Variants in RARB observed in about 807,000 individuals in gnomAD.
RARB encodes HBV-activated protein.
Under a neutral mutation model 51.9 loss-of-function variants are expected in RARB, and 17 were observed. The ratio of observed to expected loss-of-function variants is 0.33; its 90% CI spans 0.22 to 0.49. The LOEUF (loss-of-function observed/expected upper bound fraction) is 0.49. Among genes scored for constraint, RARB ranks in the 20% least tolerant of loss-of-function variants. RARB has a pLI of 0.99. For synonymous variants in RARB, 215 were observed against 195.4 expected (o/e 1.10, Z -0.84); for missense variants, 369 against 550.8 (o/e 0.67, Z 3.30).
intron 5 of RARB, among the ~76,000 whole-genome samples, chr3:25,317,460 C>G (rs1181701245): frequency 6.6e-6 from 1 of 152,142 alleles, no homozygotes; most frequent in Non-Finnish European, 1.5e-5. Context: ...ACAGCAAAGA[C>G]TTCATATCCA....
intron 5 of RARB, among the ~76,000 whole-genome samples, chr3:25,195,963 G>T (rs1376366905): frequency 1.3e-5 from 2 of 151,892 alleles, no homozygotes; most frequent in Admixed American, 6.6e-5. Flanking sequence ...AACAAGACTG[G>T]GAGTTTTGTG....
At chr3:24,892,511 A>G (rs1010836683) in intron 2 of RARB, among the ~76,000 whole-genome samples, 1 of 152,164 alleles carries the variant, frequency 6.6e-6, no homozygotes, top group African/African-American at 2.4e-5. Flanking sequence ...AAATTTTGCA[A>G]CCTCAATCAA....
chr3:25,456,091 T>A (rs1037424574), intron 1 of RARB, among the ~76,000 whole-genome samples: 1 of 152,196 alleles, frequency 6.6e-6, no homozygotes, highest in Non-Finnish European at 1.5e-5. Flanking sequence ...CGGCAGAGTT[T>A]TCAAGCAAAA....
chr3:24,938,354 C>T (rs1469197849), intron 2 of RARB, among the ~76,000 whole-genome samples: 1 of 152,138 alleles, frequency 6.6e-6, no homozygotes, highest in African/African-American at 2.4e-5. Context: ...TGTTTCCTTT[C>T]AGACTCCTAG....
intron 2 of RARB, among the ~76,000 whole-genome samples, chr3:24,860,313 A>G (rs1377004169): frequency 6.6e-6 from 1 of 152,186 alleles, no homozygotes; most frequent in East Asian, 1.9e-4. Context: ...CCCAGCCAGT[A>G]ACCTCCCAAC....
chr3:25,092,665 T>C (rs897236720), intron 3 of RARB, among the ~76,000 whole-genome samples: 1 of 152,190 alleles, frequency 6.6e-6, no homozygotes, highest in African/African-American at 2.4e-5. Flanking sequence ...ATTTTTTTAA[T>C]TGTGCAGAAA....
intron 3 of RARB, among the ~76,000 whole-genome samples, chr3:25,563,474 A>G (rs1431835635): frequency 1.3e-5 from 2 of 152,176 alleles, no homozygotes; most frequent in Non-Finnish European, 2.9e-5. Flanking sequence ...GGAAAAAGAC[A>G]CAGTCCCCAC....
At chr3:25,394,400 T>C (rs1162754664) in intron 5 of RARB, among the ~76,000 whole-genome samples, 1 of 152,178 alleles carries the variant, frequency 6.6e-6, no homozygotes, top group African/African-American at 2.4e-5. Flanking sequence ...GTTCAGTAAA[T>C]ATCTGTTAAG....
Position 25,202,293 on chromosome 3 carries a change from T to G in RARB, c.178+27718T>G, listed in dbSNP as rs141332208. ...ATTGGTGGTGATATCCCCTTTACCA[T>G]TTTTCATTGCGTCTATTTGATTCTT... On this transcript the variant is annotated intron_variant, in intron 5 of 11. Coordinates refer to the RARB transcript ENST00000383772. 3.8e-3 allele frequency among the ~76,000 whole-genome samples: 572 copies of G among 152,316 alleles called. 2 individuals carry two copies. The highest frequency in any genetic ancestry group is 0.013 in the African/African-American group (556 of 41,572).
chr3:25,290,949 C>T (rs953704584), intron 5 of RARB, among the ~76,000 whole-genome samples: 2 of 152,158 alleles, frequency 1.3e-5, no homozygotes, highest in African/African-American at 4.8e-5. Context: ...CTCCTCACCT[C>T]TCTGACCCTG....
rs140117537 is a variant in RARB, at chr3:25,009,786, C to T, written c.-379-50339C>T. Among the ~76,000 whole-genome samples the T allele has an allele frequency of 7.8e-3, 1,182 of 152,092 alleles. 9 individuals carry two copies. The highest frequency in any genetic ancestry group is 0.027 in the African/African-American group (1,130 of 41,506). Reference sequence around the variant, plus strand: ...CTTAGAGGGGGATGGGAAATATGCTCATTTGCCTTATTCTGTCTGGAAAAG... The same window carrying T: ...CTTAGAGGGGGATGGGAAATATGCTTATTTGCCTTATTCTGTCTGGAAAAG... On this transcript the variant is annotated intron_variant, in intron 2 of 11. Coordinates refer to the RARB transcript ENST00000383772.
chr3:24,977,605 T>A (rs991260884), intron 2 of RARB, among the ~76,000 whole-genome samples: 8 of 152,358 alleles, frequency 5.3e-5, no homozygotes, highest in South Asian at 4.1e-4. Flanking sequence ...TTTTGCACAT[T>A]GATTTTTGTA....
chr3:25,092,335 C>A (rs1383036307), intron 3 of RARB, among the ~76,000 whole-genome samples: 1 of 152,126 alleles, frequency 6.6e-6, no homozygotes, highest in Non-Finnish European at 1.5e-5. Context: ...TCATTTAGAA[C>A]TTTTTGTTTG....
chr3:25,554,559 G>T (rs73149395), intron 3 of RARB, among the ~76,000 whole-genome samples: 3,886 of 152,158 alleles, frequency 0.026, 180 homozygotes, highest in African/African-American at 0.089. Context: ...TGGCCTATTA[G>T]GAGAAAAATT....
chr3:24,994,669 G>T (rs73143067), intron 2 of RARB, among the ~76,000 whole-genome samples: 17,096 of 151,942 alleles, frequency 0.11, 2,728 homozygotes, highest in African/African-American at 0.35. Flanking sequence ...AGTTGATTTT[G>T]GGGTAGAGTG....
chr3:24,960,880 T>G (rs1219764488), intron 2 of RARB, among the ~76,000 whole-genome samples: 1 of 152,134 alleles, frequency 6.6e-6, no homozygotes, highest in Non-Finnish European at 1.5e-5. Context: ...ATAAAAATGT[T>G]TGGTAGGATT....
intron 1 of RARB, among the ~76,000 whole-genome samples, chr3:24,856,035 C>G (rs533441285): frequency 6.6e-6 from 1 of 151,124 alleles, no homozygotes; most frequent in Non-Finnish European, 1.5e-5. Flanking sequence ...CAGGCGTGAA[C>G]CACTGCGCCT....
chr3:25,112,415 T>A (rs1699618262), intron 3 of RARB, among the ~76,000 whole-genome samples: 1 of 152,154 alleles, frequency 6.6e-6, no homozygotes, highest in South Asian at 2.1e-4. Flanking sequence ...TAAAGAGATT[T>A]TCTTACATTA....
chr3:25,345,979 C>A, intron 5 of RARB: 2 of 720,278 alleles, frequency 2.8e-6, no homozygotes, highest in South Asian at 6.4e-5. Flanking sequence ...CAGTTTGGGG[C>A]TGGCTCCGAT....
Sources: allele counts gnomAD v4.1 joint callset (sites outside exome capture counted in the v4.1 genomes callset), GRCh38; gene constraint gnomAD v4.1.1; transcripts MANE v1.5; gene names NCBI Gene and HGNC (gene_info 2026-07-23, HGNC 2026-07-21).